Variants in GRM8 observed in about 807,000 individuals in gnomAD.
GRM8 encodes metabotropic glutamate receptor 8.
A neutral mutation model predicts 87.2 loss-of-function variants in GRM8; 47 were observed. The ratio of observed to expected loss-of-function variants is 0.54; its 90% CI spans 0.43 to 0.69. The LOEUF is 0.69. Among genes scored for constraint, GRM8 ranks in the 30% least tolerant of loss-of-function variants. The probability of loss-of-function intolerance (pLI) is 0.00; values close to 1 mark genes in which losing one functional copy is unlikely to be tolerated. For synonymous variants in GRM8, 396 were observed against 404.5 expected, an observed-to-expected ratio of 0.98 and a Z score of 0.25; for missense variants, 1,019 against 1,139.2, an observed-to-expected ratio of 0.89 and a Z score of 1.52.
At chr7:126,909,026 G>C (rs555873826) in intron 3 of GRM8, among the ~76,000 whole-genome samples, 1 of 152,274 alleles carries the variant, frequency 6.6e-6, no homozygotes, top group South Asian at 2.1e-4. Context: ...CAGCTAATCT[G>C]TTCATAAGCA....
intron 6 of GRM8, among the ~76,000 whole-genome samples, chr7:126,801,111 C>T (rs1041461757): frequency 5.9e-4 from 90 of 151,938 alleles, no homozygotes; most frequent in South Asian, 2.1e-4. Context: ...AAGTGTTAAC[C>T]TCCCTTGTAT....
intron 2 of GRM8, among the ~76,000 whole-genome samples, chr7:127,174,177 A>T (rs1359234474): frequency 6.6e-6 from 1 of 152,200 alleles, no homozygotes; most frequent in Non-Finnish European, 1.5e-5. Context: ...GATGTACGTA[A>T]TGTCCTGTCC....
At chr7:126,946,070 T>C (rs1807501234) in intron 3 of GRM8, among the ~76,000 whole-genome samples, 2 of 152,380 alleles carry the variant, frequency 1.3e-5, no homozygotes, top group South Asian at 4.1e-4. Flanking sequence ...CTTCTGATTC[T>C]GGCTGGCCCT....
At chr7:126,667,509 T>C (rs1805896656) in intron 7 of GRM8, among the ~76,000 whole-genome samples, 1 of 152,192 alleles carries the variant, frequency 6.6e-6, no homozygotes, top group South Asian at 2.1e-4. Context: ...ATTTTGTAAT[T>C]GATCAAACCA....
intron 9 of GRM8, among the ~76,000 whole-genome samples, chr7:126,524,242 C>CT (rs1813488177): frequency 6.6e-6 from 1 of 152,152 alleles, no homozygotes; most frequent in East Asian, 1.9e-4. Flanking sequence ...TCTGACATGC[C>CT]TTTTTTTGGA....
rs557035790 is a variant in GRM8, at chr7:126,439,331, C to T, written c.2678-163G>A. ...CCATTCACAGTCATGCACAGCACAA[C>T]GACATTTGAGCTCGACAGCAGACTG... On this transcript the variant is annotated intron_variant, in intron 10 of 10. Coordinates refer to ENST00000339582, the MANE Select transcript of GRM8 (RefSeq NM_000845.3). Among the ~76,000 whole-genome samples, 23 of 152,156 alleles carry T rather than the reference C, an allele frequency of 1.5e-4. No individual in the cohort carries two copies. The South Asian group carries it at 3.7e-3, about 25-fold the overall frequency.
At chr7:126,686,882 C>T (rs1808248992) in intron 7 of GRM8, among the ~76,000 whole-genome samples, 1 of 152,058 alleles carries the variant, frequency 6.6e-6, no homozygotes, top group African/African-American at 2.4e-5. Flanking sequence ...ATTACTATTT[C>T]CTTCTATCCA....
intron 6 of GRM8, among the ~76,000 whole-genome samples, chr7:126,843,993 A>C (rs1796498498): frequency 6.6e-6 from 1 of 152,210 alleles, no homozygotes; most frequent in Non-Finnish European, 1.5e-5. Flanking sequence ...TTAATTTTAC[A>C]ACCAGCACTC....
At chr7:127,185,000 T>G (rs1794657203) in intron 2 of GRM8, among the ~76,000 whole-genome samples, 1 of 152,028 alleles carries the variant, frequency 6.6e-6, no homozygotes, top group South Asian at 2.1e-4. Flanking sequence ...TATTCCATTT[T>G]CAAGGATAGG....
chr7:126,727,596 T>A (rs1352416736), intron 7 of GRM8, among the ~76,000 whole-genome samples: 1 of 152,014 alleles, frequency 6.6e-6, no homozygotes, highest in Non-Finnish European at 1.5e-5. Flanking sequence ...GTACTTACAG[T>A]AAGCCTAATT....
At chr7:126,827,606 G>A (rs1269189069) in intron 6 of GRM8, among the ~76,000 whole-genome samples, 1 of 152,178 alleles carries the variant, frequency 6.6e-6, no homozygotes, top group Non-Finnish European at 1.5e-5. Context: ...AGCTTAAGGA[G>A]ATTTTGGGCT....
chr7:126,842,474 T>C (rs1324251380), intron 6 of GRM8, among the ~76,000 whole-genome samples: 4 of 152,228 alleles, frequency 2.6e-5, no homozygotes, highest in Non-Finnish European at 5.9e-5. Context: ...GGCAGACTAA[T>C]GCCTGCCACC....
At chr7:126,475,592 T>A (rs1805805952) in intron 9 of GRM8, among the ~76,000 whole-genome samples, 1 of 152,048 alleles carries the variant, frequency 6.6e-6, no homozygotes, top group East Asian at 1.9e-4. Flanking sequence ...AAATGACTTT[T>A]AAAAAATAGA....
At chr7:126,945,292 CTA>C (rs1807413093) in intron 3 of GRM8, among the ~76,000 whole-genome samples, 1 of 152,132 alleles carries the variant, frequency 6.6e-6, no homozygotes, top group East Asian at 1.9e-4. Context: ...AGGAAAATCT[CTA>C]TGTTACAAAT....
chr7:126,804,679 T>C (rs969208372), intron 6 of GRM8, among the ~76,000 whole-genome samples: 3 of 152,212 alleles, frequency 2.0e-5, no homozygotes, highest in Admixed American at 6.5e-5. Context: ...CTGAAAACAT[T>C]ACAGCCTGAA....
chr7:126,716,321 G>A (rs1163786633), intron 7 of GRM8, among the ~76,000 whole-genome samples: 3 of 150,076 alleles, frequency 2.0e-5, no homozygotes, highest in Non-Finnish European at 3.0e-5. Context: ...AACAATTTCT[G>A]TAACTATCTG....
Position 126,725,898 on chromosome 7 carries a change from G to A in GRM8, c.1357+43967C>T, listed in dbSNP as rs73449097. ...CCAGATATCCTGTGAACTCAAGAGC[G>A]AGAGCTCACGTGTTATCAAGGGGAT... is the stretch of plus-strand genomic sequence containing the variant. On this transcript the variant is annotated intron_variant, in intron 7 of 10. Coordinates refer to ENST00000339582, the MANE Select transcript of GRM8 (RefSeq NM_000845.3). 3.0e-3 allele frequency among the ~76,000 whole-genome samples: 457 copies of A among 152,234 alleles called. 3 individuals carry two copies. Among genetic ancestry groups the A allele is most frequent in the African/African-American group, 9.9e-3 (412 of 41,572 alleles).
intron 3 of GRM8, among the ~76,000 whole-genome samples, chr7:126,948,388 AC>A (rs1293744378): frequency 1.3e-5 from 2 of 150,094 alleles, no homozygotes; most frequent in African/African-American, 4.9e-5. Flanking sequence ...ACAAATGTAC[AC>A]ACAGATGTGT....
At chr7:126,589,975 G>A (rs568632756) in intron 8 of GRM8, among the ~76,000 whole-genome samples, 1 of 152,116 alleles carries the variant, frequency 6.6e-6, no homozygotes, top group Non-Finnish European at 1.5e-5. Flanking sequence ...AGGTTGTTTA[G>A]CACCCTCAAA....
Sources: gnomAD v4.1 joint callset for allele counts (sites outside exome capture counted in the v4.1 genomes callset) on GRCh38, gnomAD v4.1.1 for gene constraint, MANE v1.5 for transcripts, NCBI Gene and HGNC (gene_info 2026-07-23, HGNC 2026-07-21) for gene names.